The following IGF2BP3 variants were observed in gnomAD, a reference collection of about 807,000 sequenced individuals.
IGF2BP3 encodes the protein insulin like growth factor 2 mRNA binding protein 3.
In IGF2BP3, 9 loss-of-function variants were observed where a neutral mutation model predicts 73.8. That is an observed-to-expected ratio of 0.12 (90% CI 0.07 to 0.21). The LOEUF is 0.21. Ranked by LOEUF, IGF2BP3 falls within the 10% of genes least tolerant of loss-of-function variation. The probability of loss-of-function intolerance (pLI) is 1.00; values close to 1 mark genes in which losing one functional copy is unlikely to be tolerated. For missense variants in IGF2BP3, 542 were observed against 714.0 expected (o/e 0.76, Z 2.75); for synonymous variants, 258 against 256.7 (o/e 1.01, Z -0.05).
At chr7:23,364,998 C>A (rs1348931879) in intron 3 of IGF2BP3, among the ~76,000 whole-genome samples, 2 of 152,002 alleles carry the variant, frequency 1.3e-5, no homozygotes, top group Non-Finnish European at 2.9e-5. Flanking sequence ...AAACCCCATA[C>A]CTACTAAACA....
chr7:23,452,448 G>C (rs1788223439), intron 2 of IGF2BP3, among the ~76,000 whole-genome samples: 1 of 152,130 alleles, frequency 6.6e-6, no homozygotes, highest in Non-Finnish European at 1.5e-5. Context: ...ATGGAGAAAG[G>C]AATTAAACAT....
intron 10 of IGF2BP3, among the ~76,000 whole-genome samples, chr7:23,320,524 A>G (rs10227459): frequency 1.3e-5 from 2 of 152,050 alleles, no homozygotes; most frequent in East Asian, 3.8e-4. Context: ...CACTTTGTTT[A>G]CCTTCTAACA....
intron 2 of IGF2BP3, among the ~76,000 whole-genome samples, chr7:23,432,776 G>A (rs1302107099): frequency 6.6e-6 from 1 of 152,094 alleles, no homozygotes; most frequent in African/African-American, 2.4e-5. Context: ...AAGTAGCTGG[G>A]ACTACAGGCA....
At chr7:23,460,603 C>T (rs1269445561) in intron 2 of IGF2BP3, among the ~76,000 whole-genome samples, 1 of 151,768 alleles carries the variant, frequency 6.6e-6, no homozygotes, top group African/African-American at 2.4e-5. Context: ...AGAGGATCTA[C>T]TGAGGAGATT....
intron 10 of IGF2BP3, among the ~76,000 whole-genome samples, chr7:23,326,696 A>C (rs1241475356): frequency 6.9e-6 from 1 of 143,906 alleles, no homozygotes; most frequent in Non-Finnish European, 1.5e-5. Flanking sequence ...GACTGGATTA[A>C]GAAAATGTGG....
rs150250530 is a variant in IGF2BP3 at position 23,433,856 on chromosome 7, T to C, written c.237-15032A>G. Among the ~76,000 whole-genome samples, 302 of 152,152 alleles carry C rather than the reference T, an allele frequency of 2.0e-3. 1 individual carries two copies. The highest frequency in any genetic ancestry group is 7.1e-3 in the African/African-American group (296 of 41,534). ...TTGGGAGGCCGAGGCGGGAGGATCATCTGAGATCAAGAGTTCAAGACCAGT... is the reference window on the plus strand; with the variant it reads ...TTGGGAGGCCGAGGCGGGAGGATCACCTGAGATCAAGAGTTCAAGACCAGT... On this transcript the variant is annotated intron_variant, in intron 2 of 14. Transcript: ENST00000258729.
intron 3 of IGF2BP3, among the ~76,000 whole-genome samples, chr7:23,364,589 G>T (rs1007565466): frequency 2.7e-5 from 4 of 149,754 alleles, no homozygotes; most frequent in South Asian, 2.1e-4. Context: ...GTTGGGGGGT[G>T]GGGGGTGGCG....
intron 5 of IGF2BP3, among the ~76,000 whole-genome samples, chr7:23,353,452 A>C (rs992795082): frequency 7.2e-5 from 11 of 152,172 alleles, no homozygotes; most frequent in Non-Finnish European, 1.2e-4. Context: ...TGGCACATGA[A>C]TGAACTCTTA....
intron 2 of IGF2BP3, among the ~76,000 whole-genome samples, chr7:23,447,150 G>A (rs1417993015): frequency 1.3e-5 from 2 of 151,654 alleles, no homozygotes; most frequent in Non-Finnish European, 2.9e-5. Context: ...GCAGTGAGCC[G>A]AGATCGCGCC....
chr7:23,407,723 T>G (rs1786881367), intron 3 of IGF2BP3, among the ~76,000 whole-genome samples: 1 of 151,236 alleles, frequency 6.6e-6, no homozygotes, highest in Admixed American at 6.6e-5. Flanking sequence ...CCAGAAAAGG[T>G]AAACATGTTT....
At chr7:23,331,165 A>G (rs1384841889) in intron 10 of IGF2BP3, among the ~76,000 whole-genome samples, 11 of 152,200 alleles carry the variant, frequency 7.2e-5, no homozygotes, top group Admixed American at 7.2e-4. Context: ...TCTTTAATAA[A>G]TTTATTGACC....
At chr7:23,428,944 TC>T in intron 2 of IGF2BP3, among the ~76,000 whole-genome samples, 1 of 152,306 alleles carries the variant, frequency 6.6e-6, no homozygotes, top group African/African-American at 2.4e-5. Flanking sequence ...AGCTCCTTCA[TC>T]TTTTGATGTG....
At chr7:23,328,414 G>A (rs1400894077) in intron 10 of IGF2BP3, among the ~76,000 whole-genome samples, 2 of 152,112 alleles carry the variant, frequency 1.3e-5, no homozygotes, top group Admixed American at 1.3e-4. Context: ...CACCATACTG[G>A]TCAGGCTGGT....
chr7:23,376,294 C>T (rs891126750), intron 3 of IGF2BP3, among the ~76,000 whole-genome samples: 1 of 152,076 alleles, frequency 6.6e-6, no homozygotes, highest in Non-Finnish European at 1.5e-5. Flanking sequence ...CGGTGGCTCA[C>T]GCCTGTAATC....
intron 2 of IGF2BP3, among the ~76,000 whole-genome samples, chr7:23,433,910 G>A (rs187277416): frequency 5.7e-4 from 86 of 151,874 alleles, no homozygotes; most frequent in African/African-American, 2.0e-3. Flanking sequence ...GCCCATCTCT[G>A]CTAAAAATAC....
At chr7:23,425,376 T>C (rs1443144807) in intron 2 of IGF2BP3, among the ~76,000 whole-genome samples, 1 of 150,546 alleles carries the variant, frequency 6.6e-6, no homozygotes, top group African/African-American at 2.5e-5. Context: ...TAGAATTAGA[T>C]ATATAATAAT....
At chr7:23,372,325 G>A (rs1164121909) in intron 3 of IGF2BP3, among the ~76,000 whole-genome samples, 2 of 151,846 alleles carry the variant, frequency 1.3e-5, no homozygotes, top group African/African-American at 2.4e-5. Flanking sequence ...TGCCCCCCCT[G>A]GCCTCCCAAA....
At chr7:23,367,988 AGAC>A (rs1785429127) in intron 3 of IGF2BP3, among the ~76,000 whole-genome samples, 1 of 151,932 alleles carries the variant, frequency 6.6e-6, no homozygotes, top group Non-Finnish European at 1.5e-5. Flanking sequence ...CAACAGATAG[AGAC>A]TCCATCTATT....
At chr7:23,432,474 G>C (rs1441715858) in intron 2 of IGF2BP3, among the ~76,000 whole-genome samples, 1 of 151,800 alleles carries the variant, frequency 6.6e-6, no homozygotes, top group African/African-American at 2.4e-5. Context: ...TTCTTAATGT[G>C]ACTACTAGAA....
Sources: gnomAD v4.1 joint callset for allele counts (sites outside exome capture counted in the v4.1 genomes callset) on GRCh38, gnomAD v4.1.1 for gene constraint, MANE v1.5 for transcripts, NCBI Gene and HGNC (gene_info 2026-07-23, HGNC 2026-07-21) for gene names.